Variants in MTHFS observed in about 807,000 individuals in gnomAD.
The protein encoded by MTHFS is 5-formyltetrahydrofolate cyclo-ligase.
MTHFS carries 7 observed loss-of-function variants against 12.7 expected under a neutral mutation model. That is an observed-to-expected ratio of 0.55 (90% confidence interval 0.31 to 1.03). The LOEUF (loss-of-function observed/expected upper bound fraction) is 1.03, where lower values mean the gene tolerates loss of function less well. Ranked by LOEUF, MTHFS falls within the 50% of genes least tolerant of loss-of-function variation. The pLI, the probability that MTHFS is intolerant of heterozygous loss-of-function variation, is 0.05. For missense variants in MTHFS, 252 were observed against 258.1 expected, an observed-to-expected ratio of 0.98 and a Z score of 0.16; for synonymous variants, 100 against 97.1, an observed-to-expected ratio of 1.03 and a Z score of -0.18.
intron 2 of MTHFS, among the ~76,000 whole-genome samples, chr15:79,858,690 T>C (rs190627199): frequency 6.6e-6 from 1 of 152,340 alleles, no homozygotes; most frequent in African/African-American, 2.4e-5. Flanking sequence ...TGCTGGAAAT[T>C]AAGAAAACTA....
At chr15:79,875,313 A>G (rs1039536325) in intron 2 of MTHFS, among the ~76,000 whole-genome samples, 9 of 152,046 alleles carry the variant, frequency 5.9e-5, no homozygotes, top group African/African-American at 1.7e-4. Flanking sequence ...TCAGATCCTC[A>G]TAAGATTAAC....
chr15:79,857,269 G>T (rs755988931), intron 2 of MTHFS, among the ~76,000 whole-genome samples: 1 of 152,064 alleles, frequency 6.6e-6, no homozygotes, highest in Non-Finnish European at 1.5e-5. Context: ...AAAGTGCTGC[G>T]ATTACAGGCA....
intron 2 of MTHFS, among the ~76,000 whole-genome samples, chr15:79,873,889 G>A (rs1319614573): frequency 1.3e-5 from 2 of 152,186 alleles, no homozygotes; most frequent in Non-Finnish European, 2.9e-5. Context: ...ATGTAATGTG[G>A]CTATACTAAA....
chr15:79,859,817 CAAAAAAAAAA>C (rs368106807), intron 2 of MTHFS, among the ~76,000 whole-genome samples: 1 of 58,904 alleles, frequency 1.7e-5, no homozygotes, highest in Non-Finnish European at 3.9e-5. Flanking sequence ...GAATACATGT[CAAAAAAAAAA>C]AAAAAAAAAA....
chr15:79,892,594 T>C (rs965271315), intron 1 of MTHFS, among the ~76,000 whole-genome samples: 2 of 152,208 alleles, frequency 1.3e-5, no homozygotes, highest in African/African-American at 2.4e-5. Flanking sequence ...TCTAGTGACA[T>C]AAAGTTATGT....
intron 2 of MTHFS, chr15:79,877,197 A>T (rs1288124931): frequency 6.6e-6 from 1 of 152,148 alleles, no homozygotes; most frequent in Non-Finnish European, 1.5e-5. Context: ...GACTGAAGAA[A>T]AATGAACACA....
intron 2 of MTHFS, among the ~76,000 whole-genome samples, chr15:79,856,216 GGT>G (rs1333675271): frequency 2.6e-5 from 4 of 152,124 alleles, no homozygotes; most frequent in Non-Finnish European, 5.9e-5. Context: ...CATTCTGACT[GGT>G]ATGAGATGGT....
intron 1 of MTHFS, among the ~76,000 whole-genome samples, chr15:79,889,683 A>C (rs1167198950): frequency 2.0e-5 from 3 of 152,144 alleles, no homozygotes; most frequent in African/African-American, 4.8e-5. Flanking sequence ...CCATTTTAGT[A>C]GTCTTCGGTC....
chr15:79,896,183 G>A lies in MTHFS; in HGVS notation c.117+689C>T, dbSNP rs546990359. 2.6e-5 allele frequency among the ~76,000 whole-genome samples: 4 copies of A among 152,316 alleles called. No individual in the cohort carries two copies. In the South Asian group the frequency reaches 8.3e-4, roughly 32 times the overall value. ...CTTCTGTTTCCTACGTTCTTGGGAA[G>A]CCTGGATATGATAGCCAAGTCTTCC... On this transcript the variant is annotated intron_variant, in intron 1 of 2. Transcript: ENST00000258874.
At chr15:79,876,771 A>G (rs2034204175) in intron 2 of MTHFS, 2 of 151,308 alleles carry the variant, frequency 1.3e-5, no homozygotes, top group African/African-American at 4.9e-5. Context: ...CTGGCAGGGC[A>G]CAATGACTCA....
chr15:79,853,778 TAC>T (rs758517452), intron 2 of MTHFS, among the ~76,000 whole-genome samples: 9 of 152,336 alleles, frequency 5.9e-5, no homozygotes, highest in South Asian at 2.1e-4. Flanking sequence ...CTCACTGAAA[TAC>T]AGTCTCCGAA....
chr15:79,859,604 G>T (rs982620701), intron 2 of MTHFS, among the ~76,000 whole-genome samples: 2 of 152,100 alleles, frequency 1.3e-5, no homozygotes, highest in Admixed American at 6.5e-5. Context: ...GATCACCTGA[G>T]GTCAGAAGTT....
At chr15:79,879,321 CTTTT>C (rs565488885) in intron 2 of MTHFS, among the ~76,000 whole-genome samples, 4 of 79,328 alleles carry the variant, frequency 5.0e-5, no homozygotes, top group South Asian at 5.0e-4. Flanking sequence ...AATTATTACC[CTTTT>C]TTTTTTTTTT....
intron 2 of MTHFS, among the ~76,000 whole-genome samples, chr15:79,861,518 T>C (rs2033912904): frequency 6.6e-6 from 1 of 152,210 alleles, no homozygotes; most frequent in Non-Finnish European, 1.5e-5. Context: ...TAAAGTGGCA[T>C]AACCTTTTTT....
intron 2 of MTHFS, among the ~76,000 whole-genome samples, chr15:79,887,817 G>A (rs1173692682): frequency 6.6e-6 from 1 of 152,170 alleles, no homozygotes; most frequent in Non-Finnish European, 1.5e-5. Context: ...GGACATGAAG[G>A]AGGTAGATCT....
At chr15:79,866,254 G>A (rs1023292901) in intron 2 of MTHFS, among the ~76,000 whole-genome samples, 8 of 151,980 alleles carry the variant, frequency 5.3e-5, no homozygotes, top group Admixed American at 2.0e-4. Flanking sequence ...TGAGTTCAAC[G>A]GTTTCCTTCT....
intron 2 of MTHFS, among the ~76,000 whole-genome samples, chr15:79,862,842 C>A (rs1451209324): frequency 6.6e-6 from 1 of 152,198 alleles, no homozygotes; most frequent in Non-Finnish European, 1.5e-5. Context: ...GGTCCATCTA[C>A]ATTTGCCATG....
intron 1 of MTHFS, 151 bp downstream of exon 1, chr15:79,896,721 C>G: frequency 7.5e-4 from 564 of 750,510 alleles, no homozygotes; most frequent in Non-Finnish European, 7.8e-4. Context: ...AGGGGGCGTG[C>G]GCGCGCCGGG....
In MTHFS at chr15:79,893,754, A is replaced by G. The variant is rs539721498; in HGVS notation, c.117+3118T>C. Reference sequence around the variant, plus strand: ...AAAATTACAAAACTTGACAACATAAATATAACAATATAAATGTCAGAAACT... The same window carrying G: ...AAAATTACAAAACTTGACAACATAAGTATAACAATATAAATGTCAGAAACT... On this transcript the variant is annotated intron_variant, in intron 1 of 2. Transcript: ENST00000258874. Among the ~76,000 whole-genome samples, 15 of 152,014 alleles carry G rather than the reference A, an allele frequency of 9.9e-5. No homozygotes were observed. In the East Asian group the frequency reaches 2.9e-3, roughly 29 times the overall value.
Sources: allele counts gnomAD v4.1 joint callset (sites outside exome capture counted in the v4.1 genomes callset), GRCh38; gene constraint gnomAD v4.1.1; transcripts MANE v1.5; gene names NCBI Gene and HGNC (gene_info 2026-07-23, HGNC 2026-07-21).